The following RSF1 variants were observed in gnomAD, a reference collection of about 807,000 sequenced individuals.
RSF1 encodes the protein HBV pX-associated protein 8.
Under a neutral mutation model 145.2 loss-of-function variants are expected in RSF1, and 13 were observed. That is an observed-to-expected ratio of 0.09 (90% confidence interval 0.06 to 0.14). RSF1 has a LOEUF of 0.14. RSF1 is among the 10% of genes least tolerant of loss of function. The pLI, the probability that RSF1 is intolerant of heterozygous loss-of-function variation, is 1.00. For missense variants in RSF1, 1,517 were observed against 1,718.2 expected (o/e 0.88, Z 2.07); for synonymous variants, 577 against 592.6 (o/e 0.97, Z 0.38).
chr11:77,740,490 C>A lies in RSF1; in HGVS notation c.578+241G>T, dbSNP rs1441925572. On this transcript the variant is annotated intron_variant, in intron 4 of 15. Coordinates refer to ENST00000308488, the MANE Select transcript of RSF1 (RefSeq NM_016578.4). ...TTATAATTATTCAGATTCTGGCTTCCTGATGTATAAGGTATGTGTATATAA... is the reference window on the plus strand; with the variant it reads ...TTATAATTATTCAGATTCTGGCTTCATGATGTATAAGGTATGTGTATATAA... Among the ~76,000 whole-genome samples the A allele has an allele frequency of 5.9e-5, 9 of 152,130 alleles. No homozygotes were observed. The East Asian group carries it at 1.7e-3, about 29-fold the overall frequency.
intron 11 of RSF1, among the ~76,000 whole-genome samples, chr11:77,683,476 G>A (rs1324801179): frequency 2.0e-5 from 3 of 151,862 alleles, no homozygotes; most frequent in Non-Finnish European, 4.4e-5. Flanking sequence ...GGCTGAGGAG[G>A]GCAAATCACC....
At chr11:77,862,018 G>A in the RSF1 span, among the ~76,000 whole-genome samples, 1 of 152,188 alleles carries the variant, frequency 6.6e-6, no homozygotes, top group Non-Finnish European at 1.5e-5. Flanking sequence ...CAGAAAGGCG[G>A]TAGGATTTTC....
rs541348540 is a variant in RSF1, at chr11:77,702,468, T to C, written c.761A>G (p.Lys254Arg). The change falls in exon 6 of 16, where the codon AAA becomes AGA. Residue 254 changes from lysine (K) to arginine (R), a missense_variant. Lys to Arg is a conservative substitution (Grantham distance 26). Transcript: ENST00000308488. ...QEEQKESEKMKSEEQPMDLEN... is the reference protein window; with the variant it reads ...QEEQKESEKMRSEEQPMDLEN... ...TAAATCCATAGGCTGCTCCTCACTT[T>C]TCATCTTTTCACTTTCTTTCTGTTC... The C allele has an allele frequency of 1.6e-5, 25 of 1,551,496 alleles. No individual in the cohort carries two copies. Among genetic ancestry groups the C allele is most frequent in the Admixed American group, 2.3e-5 (1 of 42,776 alleles).
intron 1 of RSF1, among the ~76,000 whole-genome samples, chr11:77,796,729 G>A (rs1948576306): frequency 6.6e-6 from 1 of 152,188 alleles, no homozygotes; most frequent in Non-Finnish European, 1.5e-5. Flanking sequence ...GTCTCTGTTT[G>A]CAAATAACAT....
the RSF1 span, chr11:77,842,748 A>G: frequency 7.4e-7 from 1 of 1,349,090 alleles, no homozygotes; most frequent in Non-Finnish European, 1.0e-6. Flanking sequence ...TATAATTCAT[A>G]TACCATTAAA....
chr11:77,820,558 C>A lies in RSF1; in HGVS notation c.157G>T (p.Ala53Ser), dbSNP rs1340986957. The change falls in exon 1 of 16, where the codon GCG becomes TCG. Residue 53 changes from alanine (A) to serine (S), a missense_variant. Ala to Ser is a moderately conservative substitution (Grantham distance 99). Around this residue, in one of 12 missense-constraint regions of RSF1, gnomAD observed 85 missense variants for 91.8 expected, o/e 0.93. Coordinates refer to ENST00000308488, the MANE Select transcript of RSF1 (RefSeq NM_016578.4). ...PFPELERVLQAPPPDVGNGEV... is the reference protein window; with the variant it reads ...PFPELERVLQSPPPDVGNGEV... ...CCGTTGCCGACGTCCGGCGGCGGCG[C>A]CTGCAGCACCCGCTCCAGCTCAGGG... 9 of 1,551,298 alleles carry A rather than the reference C, an allele frequency of 5.8e-6. No homozygotes were observed. The highest frequency in any genetic ancestry group is 7.8e-6 in the Non-Finnish European group (9 of 1,148,422).
rs536987250 is a variant in RSF1, at chr11:77,768,251, C to T, written c.188-3562G>A. Among the ~76,000 whole-genome samples, 118 of 150,878 alleles carry T rather than the reference C, an allele frequency of 7.8e-4. 1 individual carries two copies. The highest frequency in any genetic ancestry group is 2.8e-3 in the African/African-American group (115 of 41,004). ...GATCTTGGCTCACTGCAACCTCTGCCTCCCGGGTTCAAGCGATTCTCCTGC... is the reference window on the plus strand; with the variant it reads ...GATCTTGGCTCACTGCAACCTCTGCTTCCCGGGTTCAAGCGATTCTCCTGC... On this transcript the variant is annotated intron_variant, in intron 1 of 15. Coordinates refer to ENST00000308488, the MANE Select transcript of RSF1 (RefSeq NM_016578.4).
chr11:77,821,512 C>CT (rs1948899136), upstream of RSF1, among the ~76,000 whole-genome samples: 1 of 151,952 alleles, frequency 6.6e-6, no homozygotes, highest in Non-Finnish European at 1.5e-5. Flanking sequence ...GAACGGAACT[C>CT]TGGGGGAATC....
intron 2 of RSF1, among the ~76,000 whole-genome samples, chr11:77,747,883 TAA>T (rs1270920371): frequency 1.3e-5 from 2 of 152,160 alleles, no homozygotes; most frequent in African/African-American, 2.4e-5. Context: ...GGAACATTAA[TAA>T]TATTATCTTA....
chr11:77,852,209 A>G, the RSF1 span, among the ~76,000 whole-genome samples: 1 of 133,906 alleles, frequency 7.5e-6, no homozygotes, highest in African/African-American at 2.8e-5. Flanking sequence ...TGGCCAACAG[A>G]ATGAGACACT....
chr11:77,748,180 ACAAG>A (rs1490565007), intron 2 of RSF1, among the ~76,000 whole-genome samples: 1 of 151,934 alleles, frequency 6.6e-6, no homozygotes, highest in African/African-American at 2.4e-5. Context: ...AGAATACAAA[ACAAG>A]CAGTATGGCC....
the RSF1 span, among the ~76,000 whole-genome samples, chr11:77,861,022 T>C: frequency 6.6e-6 from 1 of 152,188 alleles, no homozygotes; most frequent in African/African-American, 2.4e-5. Flanking sequence ...GAGTCCTTGT[T>C]GGGCCTTGGG....
the RSF1 span, among the ~76,000 whole-genome samples, chr11:77,849,072 G>A: frequency 6.7e-6 from 1 of 149,044 alleles, no homozygotes; most frequent in East Asian, 2.0e-4. Context: ...GGTCTCACTT[G>A]GTCCCCCAGG....
chr11:77,792,592 C>T lies in RSF1; in HGVS notation c.188-27903G>A, dbSNP rs545843103. On this transcript the variant is annotated intron_variant, in intron 1 of 15. Transcript: ENST00000308488. ...CCACAGCCTCTACTAATAACCAGAC[C>T]CTAAGCTGTCAAGGACAAAACAGGT... 2.2e-3 allele frequency among the ~76,000 whole-genome samples: 335 copies of T among 152,226 alleles called. 2 individuals are homozygous for T. Among genetic ancestry groups the T allele is most frequent in the Non-Finnish European group, 4.0e-3 (274 of 68,018 alleles).
chr11:77,776,999 T>A (rs1249352806), intron 1 of RSF1, among the ~76,000 whole-genome samples: 1 of 152,012 alleles, frequency 6.6e-6, no homozygotes, highest in East Asian at 1.9e-4. Context: ...ATGGTGACAC[T>A]AAACCATTTT....
chr11:77,834,758 C>T, the RSF1 span, among the ~76,000 whole-genome samples: 2 of 152,016 alleles, frequency 1.3e-5, no homozygotes, highest in African/African-American at 4.8e-5. Context: ...TAGGAAAAGA[C>T]TGAATAAGTA....
chr11:77,841,041 G>T, the RSF1 span: 1 of 585,004 alleles, frequency 1.7e-6, no homozygotes, highest in South Asian at 2.3e-5. Context: ...GGAAGTCCAA[G>T]ACCAGTTGGC....
At position 77,702,397 on chromosome 11, in the gene RSF1, T is replaced by C. The variant is rs1272600804; in HGVS notation, c.832A>G (p.Lys278Glu). The change falls in exon 6 of 16, where the codon AAA (lysine) becomes GAA (glutamate). Residue 278 changes from lysine to glutamate, a missense_variant. Transcript: ENST00000308488. ...AGTTCCTTTTCATCTTCTTTTTCTT[T>C]TTTCACAGTAGTCTCTTCTAGAACA... Reference protein sequence around the residue: ...ANVLEETTVKKEKEDEKELVK... With the variant: ...ANVLEETTVKEEKEDEKELVK... The C allele has an allele frequency of 1.9e-6, 3 of 1,609,632 alleles. No individual in the cohort carries two copies. The highest frequency in any genetic ancestry group is 2.7e-5 in the African/African-American group (2 of 74,400).
At chr11:77,778,729 A>C (rs978427001) in intron 1 of RSF1, among the ~76,000 whole-genome samples, 1 of 152,168 alleles carries the variant, frequency 6.6e-6, no homozygotes, top group Non-Finnish European at 1.5e-5. Flanking sequence ...TTAATTTGGG[A>C]ACATGTGACA....
Sources: gnomAD v4.1 joint callset for allele counts (sites outside exome capture counted in the v4.1 genomes callset) on GRCh38, gnomAD v4.1.1 for gene constraint, gnomAD v4.1.1 regional missense constraint, MANE v1.5 for transcripts, NCBI Gene and HGNC (gene_info 2026-07-23, HGNC 2026-07-21) for gene names.